Variants in RELN observed in about 807,000 individuals in gnomAD.
RELN encodes the protein reelin.
Under a neutral mutation model 427.6 loss-of-function variants are expected in RELN, and 108 were observed. The observed-to-expected ratio is 0.25, with a 90% CI of 0.22 to 0.30. RELN has a LOEUF of 0.30. Among genes scored for constraint, RELN ranks in the 10% least tolerant of loss-of-function variants. The probability of loss-of-function intolerance (pLI) is 1.00; values close to 1 mark genes in which losing one functional copy is unlikely to be tolerated. For missense variants in RELN, 3,715 were observed against 4,302.8 expected (o/e 0.86, Z 3.82); for synonymous variants, 1,524 against 1,513.4 (o/e 1.01, Z -0.16).
chr7:103,780,240 C>T (rs1197049223), intron 3 of RELN, among the ~76,000 whole-genome samples: 2 of 152,064 alleles, frequency 1.3e-5, no homozygotes, highest in African/African-American at 4.8e-5. Context: ...GTGAGCCCCT[C>T]GACTTCTTTT....
intron 2 of RELN, among the ~76,000 whole-genome samples, chr7:103,895,461 C>T (rs966967993): frequency 3.3e-5 from 5 of 151,944 alleles, no homozygotes; most frequent in African/African-American, 4.8e-5. Context: ...AGGGAGTGTC[C>T]GGAAGCCCAT....
chr7:103,544,326 C>T (rs2117138096), intron 42 of RELN, among the ~76,000 whole-genome samples: 1 of 139,452 alleles, frequency 7.2e-6, no homozygotes, highest in East Asian at 2.3e-4. Flanking sequence ...GCAAACTCCG[C>T]CTCTCAGGTT....
intron 37 of RELN, among the ~76,000 whole-genome samples, 187 bp downstream of exon 37, chr7:103,557,778 T>C: frequency 6.6e-6 from 1 of 152,174 alleles, no homozygotes; most frequent in East Asian, 1.9e-4. Flanking sequence ...AAATCAGTAG[T>C]TTTCTTGCCC....
chr7:103,960,131 G>A (rs1309609074), intron 1 of RELN, among the ~76,000 whole-genome samples: 2 of 152,102 alleles, frequency 1.3e-5, no homozygotes, highest in Non-Finnish European at 2.9e-5. Context: ...GTCGTTCCTT[G>A]GCTCAAAACC....
intron 6 of RELN, among the ~76,000 whole-genome samples, chr7:103,729,145 C>T (rs905918147): frequency 1.3e-5 from 2 of 152,068 alleles, no homozygotes; most frequent in African/African-American, 4.8e-5. Flanking sequence ...CAATGTTTCC[C>T]CTGTCTGAAC....
At chr7:103,895,662 T>C (rs907283594) in intron 2 of RELN, among the ~76,000 whole-genome samples, 5 of 152,018 alleles carry the variant, frequency 3.3e-5, no homozygotes, top group Admixed American at 6.6e-5. Flanking sequence ...TTTAGAAACA[T>C]TGTGTATCAA....
At chr7:103,938,925 C>A (rs555829686) in intron 1 of RELN, among the ~76,000 whole-genome samples, 29 of 151,922 alleles carry the variant, frequency 1.9e-4, no homozygotes, top group Admixed American at 3.3e-4. Context: ...AAAAGTCATT[C>A]TCCTAAAGTT....
chr7:103,672,804 T>C (rs1232001800), intron 11 of RELN, among the ~76,000 whole-genome samples: 1 of 152,172 alleles, frequency 6.6e-6, no homozygotes, highest in Admixed American at 6.6e-5. Flanking sequence ...CTGATAGTGA[T>C]TATGTTTTGA....
intron 24 of RELN, among the ~76,000 whole-genome samples, chr7:103,602,678 T>C (rs1162016804): frequency 6.6e-6 from 1 of 151,946 alleles, no homozygotes; most frequent in Non-Finnish European, 1.5e-5. Flanking sequence ...CTGGGGCCTG[T>C]TGGGGGATGG....
At chr7:103,752,584 A>T (rs924804215) in intron 5 of RELN, among the ~76,000 whole-genome samples, 2 of 149,896 alleles carry the variant, frequency 1.3e-5, no homozygotes, top group African/African-American at 4.9e-5. Context: ...AATTTTTAAC[A>T]TTTTTTTTTG....
At chr7:103,586,137 G>C (rs1240220925) in intron 28 of RELN, among the ~76,000 whole-genome samples, 2 of 152,124 alleles carry the variant, frequency 1.3e-5, no homozygotes, top group African/African-American at 4.8e-5. Flanking sequence ...GCCGAGGAGG[G>C]TGGATCACAA....
At position 103,728,132 on chromosome 7, in the gene RELN, T is replaced by G; in HGVS notation, c.732A>C (p.Glu244Asp). ...IMHGNAVTFC[E>D]PYGPRELITT... The stretch of plus-strand genomic sequence containing the variant: ...TTACCAGTTCTCGTGGGCCATATGG[T>G]TCACAGAAGGTGACGGCATTGCCAT... The change falls in exon 7 of 65, where the codon GAA becomes GAC. Residue 244 changes from glutamate (E) to aspartate (D), a missense_variant. Glu to Asp is a conservative substitution (Grantham distance 45). Transcript: ENST00000428762. 1 of 1,613,882 alleles carries G rather than the reference T, an allele frequency of 6.2e-7. No individual in the cohort carries two copies. The highest frequency in any genetic ancestry group is 8.5e-7 in the Non-Finnish European group (1 of 1,179,872).
intron 3 of RELN, among the ~76,000 whole-genome samples, chr7:103,822,115 A>T (rs1482252284): frequency 6.6e-6 from 1 of 152,082 alleles, no homozygotes; most frequent in Non-Finnish European, 1.5e-5. Context: ...TTATCTTATA[A>T]TTCCAGAAAA....
chr7:103,665,362 G>GTGTA (rs1433748640), intron 11 of RELN, among the ~76,000 whole-genome samples: 112 of 91,000 alleles, frequency 1.2e-3, no homozygotes, highest in African/African-American at 4.2e-3. Context: ...GTGTGTGTGT[G>GTGTA]TATATATATA....
At chr7:103,577,901 G>C (rs1831041314) in intron 28 of RELN, among the ~76,000 whole-genome samples, 1 of 152,186 alleles carries the variant, frequency 6.6e-6, no homozygotes, top group Non-Finnish European at 1.5e-5. Context: ...GGTAAGGAAA[G>C]TGATGAAAGA....
At chr7:103,930,204 G>A (rs988403653) in intron 1 of RELN, among the ~76,000 whole-genome samples, 5 of 152,014 alleles carry the variant, frequency 3.3e-5, no homozygotes, top group African/African-American at 9.7e-5. Flanking sequence ...GCTAGCAGAC[G>A]TCCACATTCT....
At chr7:103,479,913 T>C (rs968400302) in intron 63 of RELN, among the ~76,000 whole-genome samples, 1 of 152,140 alleles carries the variant, frequency 6.6e-6, no homozygotes, top group African/African-American at 2.4e-5. Flanking sequence ...TTGGTGCACA[T>C]GCACAGAAGC....
intron 4 of RELN, among the ~76,000 whole-genome samples, chr7:103,763,092 T>G (rs2116140854): frequency 6.6e-6 from 1 of 152,304 alleles, no homozygotes; most frequent in South Asian, 2.1e-4. Context: ...CTTCTGTAGT[T>G]TCTCATACAG....
intron 3 of RELN, among the ~76,000 whole-genome samples, chr7:103,828,368 A>G (rs1223176835): frequency 6.7e-6 from 1 of 148,588 alleles, no homozygotes; most frequent in Non-Finnish European, 1.5e-5. Flanking sequence ...TTCCTTTAAC[A>G]TATCAAATGT....
Sources: gnomAD v4.1 joint callset for allele counts (sites outside exome capture counted in the v4.1 genomes callset) on GRCh38, gnomAD v4.1.1 for gene constraint, MANE v1.5 for transcripts, NCBI Gene and HGNC (gene_info 2026-07-23, HGNC 2026-07-21) for gene names.